ACO2: variants seen among roughly 807,000 people sequenced by gnomAD.
The protein encoded by ACO2 is aconitase 2.
Under a neutral mutation model 84.5 loss-of-function variants are expected in ACO2, and 31 were observed. The ratio of observed to expected loss-of-function variants is 0.37; its 90% CI spans 0.28 to 0.50. ACO2 has a LOEUF of 0.50. Among genes scored for constraint, ACO2 ranks in the 20% least tolerant of loss-of-function variants. The pLI is 0.97. For synonymous variants in ACO2, 414 were observed against 412.7 expected (o/e 1.00, Z -0.04); for missense variants, 685 against 1,029.3 (o/e 0.67, Z 4.58).
At chr22:41,499,626 C>T (rs2066339269) in intron 1 of ACO2, 100 bp from the exon 2 acceptor site, 3 of 1,339,612 alleles carry the variant, frequency 2.2e-6, no homozygotes, top group Non-Finnish European at 3.1e-6. Flanking sequence ...CAGCTCTTGA[C>T]ACTTTAATTC....
intron 1 of ACO2, among the ~76,000 whole-genome samples, chr22:41,485,245 G>A (rs1348042958): frequency 2.0e-5 from 3 of 151,686 alleles, no homozygotes; most frequent in Non-Finnish European, 4.4e-5. Context: ...TTAGGACAGC[G>A]AGCCACACCC....
chr22:41,471,523 C>T (rs976638365), intron 1 of ACO2, among the ~76,000 whole-genome samples: 8 of 152,210 alleles, frequency 5.3e-5, no homozygotes, highest in African/African-American at 1.9e-4. Flanking sequence ...CATATATTTA[C>T]TGAGCGCCCA....
chr22:41,506,401 C>T (rs574510065), intron 2 of ACO2, among the ~76,000 whole-genome samples: 2 of 152,192 alleles, frequency 1.3e-5, no homozygotes, highest in Non-Finnish European at 2.9e-5. Flanking sequence ...TACAGGCGCC[C>T]GCCACCACGC....
chr22:41,527,673 T>A lies in ACO2; in HGVS notation c.2087-228T>A, dbSNP rs752208552. On this transcript the variant is annotated intron_variant, in intron 16 of 17. Transcript: ENST00000216254. ...CTAGGACATGTGCCAGGGGGTTCTT[T>A]CTGATCATGAATGTGCAGCAGGAAG... is the stretch of plus-strand genomic sequence containing the variant. 16 of 797,172 alleles carry A rather than the reference T, an allele frequency of 2.0e-5. 1 individual carries two copies. The highest frequency in any genetic ancestry group is 1.8e-5 in the South Asian group (1 of 54,730). The allele number at this position is 797,172 out of a possible 1,614,324, so 49.4% of individuals were successfully genotyped here.
chr22:41,481,915 G>C (rs1018734506), intron 1 of ACO2, among the ~76,000 whole-genome samples: 2 of 152,146 alleles, frequency 1.3e-5, no homozygotes, highest in Non-Finnish European at 2.9e-5. Flanking sequence ...TATTTTAGTG[G>C]ACTTTACTTT....
At chr22:41,499,671 G>A (rs1601901111) in intron 1 of ACO2, 55 bp from the exon 2 acceptor site, 1 of 1,583,196 alleles carries the variant, frequency 6.3e-7, no homozygotes, top group Non-Finnish European at 8.6e-7. Context: ...CTGCCCTCGG[G>A]GATGGACTCT....
chr22:41,493,666 G>C (rs1369096162), intron 1 of ACO2, among the ~76,000 whole-genome samples: 1 of 152,188 alleles, frequency 6.6e-6, no homozygotes, highest in Non-Finnish European at 1.5e-5. Flanking sequence ...CCTTGGCTGG[G>C]TGCGGTGGCT....
At chr22:41,528,361 T>C in intron 17 of ACO2, 118 bp from the exon 18 acceptor site, 1 of 1,412,536 alleles carries the variant, frequency 7.1e-7, no homozygotes, top group Non-Finnish European at 9.5e-7. Flanking sequence ...GGCCTAGGAT[T>C]TGGTTTGCCT....
At chr22:41,506,061 A>G (rs1387291345) in intron 2 of ACO2, among the ~76,000 whole-genome samples, 1 of 151,428 alleles carries the variant, frequency 6.6e-6, no homozygotes, top group Non-Finnish European at 1.5e-5. Context: ...GTAATAGGTC[A>G]GGTTTGGGCT....
intron 1 of ACO2, 36 bp downstream of exon 1, chr22:41,469,218 C>A: frequency 6.3e-7 from 1 of 1,599,140 alleles, no homozygotes; most frequent in South Asian, 1.1e-5. Context: ...TTCACGGGGG[C>A]GGGGTGCCTC....
rs975578359 is a variant in ACO2, at chr22:41,518,532, G to A, written c.992G>A (p.Gly331Asp). 1.2e-6 allele frequency: 2 copies of A among 1,613,750 alleles called. No individual in the cohort carries two copies. Among genetic ancestry groups the A allele is most frequent in the Non-Finnish European group, 1.7e-6 (2 of 1,179,838 alleles). ...AAGGATCACTTGGTGCCTGACCCTG[G>A]CTGCCATTATGACCAACTAATTGAA... Reference protein sequence around the residue: ...EFKDHLVPDPGCHYDQLIEIN... With the variant: ...EFKDHLVPDPDCHYDQLIEIN... Residue 331 changes from glycine (G) to aspartate (D), a missense_variant, in exon 8 of 18, where the codon GGC (glycine) becomes GAC (aspartate). Physicochemically the swap from Gly to Asp is moderately conservative, Grantham distance 94 (BLOSUM62 -1). Transcript: ENST00000216254.
At position 41,525,184 on chromosome 22, in the gene ACO2, C is replaced by G. The variant is rs1180667988; in HGVS notation, c.1606-9C>G. 1 of 1,613,230 alleles carries G rather than the reference C, an allele frequency of 6.2e-7. No homozygotes were observed. The highest frequency in any genetic ancestry group is 1.1e-5 in the South Asian group (1 of 91,048). On this transcript the variant is annotated splice_polypyrimidine_tract_variant and intron_variant, in intron 13 of 17. Coordinates refer to ENST00000216254, the MANE Select transcript of ACO2 (RefSeq NM_001098.3). ...TCAGCACCCCACGCATCCCCATTCC[C>G]TGCTGCAGGAGTTTGACCCAGGGCA...
At position 41,522,868 on chromosome 22, in the gene ACO2, A is replaced by G; in HGVS notation, c.1177A>G (p.Met393Val). Residue 393 changes from methionine to valine, a missense_variant, in exon 10 of 18, where the codon ATG becomes GTG. Around this residue, in one of 5 missense-constraint regions of ACO2, gnomAD observed 311 missense variants for 441.6 expected, o/e 0.70. Transcript: ENST00000216254. ...GSCTNSSYED[M>V]GRSAAVAKQA... ...CTGCACCAATTCAAGCTATGAAGAT[A>G]TGGGGCGCTCAGCAGCTGTGGCCAA... The G allele has an allele frequency of 6.2e-7, 1 of 1,614,224 alleles. No individual in the cohort carries two copies. The highest frequency in any genetic ancestry group is 8.5e-7 in the Non-Finnish European group (1 of 1,180,042).
At chr22:41,477,116 G>A (rs2146080172) in intron 1 of ACO2, among the ~76,000 whole-genome samples, 1 of 150,316 alleles carries the variant, frequency 6.7e-6, no homozygotes, top group East Asian at 2.0e-4. Flanking sequence ...AAGGTAGGGA[G>A]AATGGTTTCC....
At chr22:41,507,370 C>G (rs975536742) in intron 2 of ACO2, among the ~76,000 whole-genome samples, 1 of 152,064 alleles carries the variant, frequency 6.6e-6, no homozygotes, top group Non-Finnish European at 1.5e-5. Context: ...TAGCTGTGAA[C>G]TTGGTCACTC....
chr22:41,528,299 G>A lies in ACO2; in HGVS notation c.2209-180G>A, dbSNP rs2066646699. On this transcript the variant is annotated intron_variant, in intron 17 of 17. Transcript: ENST00000216254. ...CACTGCAGGACCCTCTGGGCCCCAG[G>A]AATCCCCTGTAGGTGCCACCTGGGT... The A allele has an allele frequency of 3.2e-6, 3 of 942,986 alleles. No individual in the cohort carries two copies. The Admixed American group carries it at 8.7e-5, about 27-fold the overall frequency. 58.4% of individuals were successfully genotyped at this position (942,986 alleles called of 1,614,324 possible).
intron 16 of ACO2, 93 bp downstream of exon 16, chr22:41,527,513 G>A (rs1349103173): frequency 1.3e-6 from 2 of 1,509,224 alleles, no homozygotes; most frequent in Non-Finnish European, 1.8e-6. Flanking sequence ...CCTGGTTCTA[G>A]GCTGTGTCCA....
chr22:41,506,505 G>A (rs1008100087), intron 2 of ACO2, among the ~76,000 whole-genome samples: 3 of 151,988 alleles, frequency 2.0e-5, no homozygotes, highest in African/African-American at 2.4e-5. Flanking sequence ...CGCCTGTCTC[G>A]GCCTCCCAAA....
intron 4 of ACO2, among the ~76,000 whole-genome samples, chr22:41,514,785 G>T (rs1281497171): frequency 6.6e-6 from 1 of 152,236 alleles, no homozygotes; most frequent in Admixed American, 6.5e-5. Flanking sequence ...GAGGCAGGGT[G>T]GCATCGCGCC....
Sources: allele counts gnomAD v4.1 joint callset (sites outside exome capture counted in the v4.1 genomes callset), GRCh38; gene constraint gnomAD v4.1.1; regional missense constraint gnomAD v4.1.1; transcripts MANE v1.5; gene names NCBI Gene and HGNC (gene_info 2026-07-23, HGNC 2026-07-21).